PPP1CB: variants seen among roughly 807,000 people sequenced by gnomAD.
The protein encoded by PPP1CB is protein phosphatase 1 catalytic subunit beta, also known as serine/threonine-protein phosphatase PP1-beta catalytic subunit.
Under a neutral mutation model 43.7 loss-of-function variants are expected in PPP1CB, and 2 were observed. That is an observed-to-expected ratio of 0.05 (90% CI 0.02 to 0.14). The LOEUF (loss-of-function observed/expected upper bound fraction) is 0.14, where lower values mean the gene tolerates loss of function less well. PPP1CB is among the 10% of genes least tolerant of loss of function. The pLI is 1.00. For synonymous variants in PPP1CB, 136 were observed against 135.6 expected (o/e 1.00, Z -0.02); for missense variants, 84 against 398.0 (o/e 0.21, Z 6.71).
chr2:28,772,792 T>C (rs528742693), intron 1 of PPP1CB, among the ~76,000 whole-genome samples: 1 of 152,192 alleles, frequency 6.6e-6, no homozygotes, highest in Non-Finnish European at 1.5e-5. Flanking sequence ...AAATCTGAAA[T>C]GCTCCAATGA....
chr2:28,792,069 C>T (rs112419240), intron 6 of PPP1CB, among the ~76,000 whole-genome samples: 10 of 151,876 alleles, frequency 6.6e-5, no homozygotes, highest in Admixed American at 2.6e-4. Flanking sequence ...GGCTGGGCAC[C>T]GTGGCTCACG....
At chr2:28,788,998 T>C (rs1442866794) in intron 6 of PPP1CB, among the ~76,000 whole-genome samples, 189 bp downstream of exon 6, 1 of 152,052 alleles carries the variant, frequency 6.6e-6, no homozygotes, top group Non-Finnish European at 1.5e-5. Context: ...GCTGGGACGA[T>C]AGCCGTGTGC....
chr2:28,774,288 G>C (rs1666982348), intron 1 of PPP1CB, among the ~76,000 whole-genome samples: 1 of 152,108 alleles, frequency 6.6e-6, no homozygotes, highest in African/African-American at 2.4e-5. Context: ...TGTTCTTCTT[G>C]TTCATTGCTG....
intron 6 of PPP1CB, 123 bp from the exon 7 acceptor site, chr2:28,793,735 CCAAAA>C: frequency 1.0e-6 from 1 of 974,626 alleles, no homozygotes; most frequent in South Asian, 2.0e-5. Flanking sequence ...ATCACAACTT[CCAAAA>C]CAAAACAGGG....
rs376535535 is a variant in PPP1CB, at chr2:28,776,835, A to G, written c.53-16A>G. ...TAAATTTTAGAAAACTGACTGTTTT[A>G]TTTATCGTTTGTCAGTACGAGGATG... On this transcript the variant is annotated splice_polypyrimidine_tract_variant and intron_variant, in intron 1 of 7. Transcript: ENST00000395366. 2 of 1,585,802 alleles carry G rather than the reference A, an allele frequency of 1.3e-6. No individual in the cohort carries two copies. The highest frequency in any genetic ancestry group is 2.7e-5 in the African/African-American group (2 of 74,346).
chr2:28,785,169 G>A (rs922315058), intron 5 of PPP1CB, among the ~76,000 whole-genome samples: 2 of 144,550 alleles, frequency 1.4e-5, no homozygotes, highest in Admixed American at 7.1e-5. Context: ...CTGCATCCCG[G>A]GTTCAAGTGA....
intron 6 of PPP1CB, 55 bp downstream of exon 6, chr2:28,788,864 C>A: frequency 2.7e-6 from 4 of 1,472,852 alleles, no homozygotes; most frequent in Admixed American, 2.4e-5. Flanking sequence ...TTTTTGGGGG[C>A]AGACGGAGGG....
intron 4 of PPP1CB, among the ~76,000 whole-genome samples, chr2:28,783,580 AC>A (rs1176010293): frequency 6.6e-6 from 1 of 152,098 alleles, no homozygotes; most frequent in Non-Finnish European, 1.5e-5. Flanking sequence ...ACATGGTGAA[AC>A]CCCGTCTCTA....
At chr2:28,783,014 G>A (rs1178196375) in intron 4 of PPP1CB, among the ~76,000 whole-genome samples, 1 of 152,196 alleles carries the variant, frequency 6.6e-6, no homozygotes, top group African/African-American at 2.4e-5. Flanking sequence ...CGAATGTTTA[G>A]CTTCATTCCT....
chr2:28,764,288 G>A (rs1483273232), intron 1 of PPP1CB, among the ~76,000 whole-genome samples: 2 of 151,434 alleles, frequency 1.3e-5, no homozygotes, highest in Non-Finnish European at 2.9e-5. Flanking sequence ...CTGAAATCCC[G>A]TCTCTACTTA....
chr2:28,799,115 A>G, intron 7 of PPP1CB, 84 bp from the exon 8 acceptor site: 1 of 967,522 alleles, frequency 1.0e-6, no homozygotes, highest in Non-Finnish European at 1.6e-6. Flanking sequence ...AGTTTATGCC[A>G]TTTATTGAAA....
intron 1 of PPP1CB, among the ~76,000 whole-genome samples, chr2:28,760,496 A>G (rs1666615643): frequency 6.6e-6 from 1 of 152,236 alleles, no homozygotes; most frequent in African/African-American, 2.4e-5. Context: ...GCCTAAGAGC[A>G]ATAGACTATA....
chr2:28,800,936 CA>C lies in PPP1CB; in HGVS notation c.*1637del, dbSNP rs1470552342. 6 of 152,494 alleles carry C rather than the reference CA, an allele frequency of 3.9e-5. No individual in the cohort carries two copies. Among genetic ancestry groups the C allele is most frequent in the Non-Finnish European group, 7.4e-5 (5 of 67,936 alleles). The allele number at this position is 152,494 out of a possible 1,614,324, so 9.4% of individuals were successfully genotyped here. A position where few individuals can be genotyped will look rare whatever the true frequency, so the allele number is the denominator to read the frequency against. ...GAGATATTTCATTTTCAGCACAGTG[CA>C]AAAGTTCTTTAAAATGCATATGTCT... On this transcript the variant is annotated 3_prime_UTR_variant, in exon 8 of 8. Transcript: ENST00000395366.
chr2:28,757,349 G>GT (rs202106658), intron 1 of PPP1CB, among the ~76,000 whole-genome samples: 7 of 151,494 alleles, frequency 4.6e-5, no homozygotes, highest in East Asian at 1.9e-4. Flanking sequence ...TTGTGTAGAA[G>GT]TTTTTTTTTG....
intron 4 of PPP1CB, chr2:28,782,123 C>CT: frequency 2.6e-6 from 1 of 377,692 alleles, no homozygotes; most frequent in Non-Finnish European, 4.7e-6. Flanking sequence ...GACACCCCTG[C>CT]TATTTATTAG....
intron 1 of PPP1CB, among the ~76,000 whole-genome samples, chr2:28,754,416 A>C (rs924308280): frequency 7.9e-5 from 12 of 151,830 alleles, no homozygotes; most frequent in African/African-American, 2.9e-4. Context: ...TAACAAGTTG[A>C]CCTCCTCCTT....
intron 6 of PPP1CB, among the ~76,000 whole-genome samples, chr2:28,792,807 GTAAA>G (rs1558311028): frequency 6.6e-6 from 1 of 152,058 alleles, no homozygotes; most frequent in African/African-American, 2.4e-5. Context: ...CTTGCCCACC[GTAAA>G]TAAATATAAA....
chr2:28,754,094 A>G (rs1666419875), intron 1 of PPP1CB, among the ~76,000 whole-genome samples: 1 of 152,090 alleles, frequency 6.6e-6, no homozygotes, highest in Non-Finnish European at 1.5e-5. Flanking sequence ...ATATGTTTGT[A>G]TCTCAATTTA....
intron 6 of PPP1CB, among the ~76,000 whole-genome samples, chr2:28,792,224 C>A (rs1225155015): frequency 6.6e-6 from 1 of 151,980 alleles, no homozygotes; most frequent in Non-Finnish European, 1.5e-5. Flanking sequence ...CCTGTAATCC[C>A]AGCTACATGG....
Sources: gnomAD v4.1 joint callset for allele counts (sites outside exome capture counted in the v4.1 genomes callset) on GRCh38, gnomAD v4.1.1 for gene constraint, MANE v1.5 for transcripts, NCBI Gene and HGNC (gene_info 2026-07-23, HGNC 2026-07-21) for gene names.